UNC13C: variants seen among roughly 807,000 people sequenced by gnomAD.
The protein encoded by UNC13C is unc-13 homolog C.
UNC13C carries 174 observed loss-of-function variants against 245.4 expected under a neutral mutation model. The ratio of observed to expected loss-of-function variants is 0.71; its 90% CI spans 0.63 to 0.80. UNC13C has a LOEUF of 0.80. UNC13C is among the 30% of genes least tolerant of loss of function. UNC13C has a pLI of 0.00. For missense variants in UNC13C, 2,829 were observed against 2,602.9 expected, an observed-to-expected ratio of 1.09 and a Z score of -1.89; for synonymous variants, 992 against 895.1, an observed-to-expected ratio of 1.11 and a Z score of -1.93.
chr15:54,522,855 T>A (rs1458569941), intron 24 of UNC13C, among the ~76,000 whole-genome samples: 1 of 152,208 alleles, frequency 6.6e-6, no homozygotes, highest in East Asian at 1.9e-4. Context: ...AGTTTCTACT[T>A]TAGAATACAC....
At chr15:53,906,711 A>G in the UNC13C span, among the ~76,000 whole-genome samples, 1 of 152,196 alleles carries the variant, frequency 6.6e-6, no homozygotes, top group Non-Finnish European at 1.5e-5. Context: ...GTATTAGTCC[A>G]TTCTCACACT....
the UNC13C span, among the ~76,000 whole-genome samples, chr15:53,879,971 G>GTGTGTGTGTA: frequency 6.0e-5 from 9 of 151,146 alleles, no homozygotes; most frequent in African/African-American, 2.2e-4. Flanking sequence ...GTGTGTGTGT[G>GTGTGTGTGTA]TATATACATA....
At chr15:54,548,208 C>CTTTTTTTTTTTTTTGTTTTTTTTTTT (rs1896574341) in intron 27 of UNC13C, among the ~76,000 whole-genome samples, 1 of 61,878 alleles carries the variant, frequency 1.6e-5, no homozygotes, top group African/African-American at 4.4e-5. Context: ...GTTTCTTTTG[C>CTTTTTTTTTTTTTTGTTTTTTTTTTT]TTTTTTTTTT....
chr15:54,164,351 G>A (rs1221932153), intron 4 of UNC13C, among the ~76,000 whole-genome samples: 1 of 152,090 alleles, frequency 6.6e-6, no homozygotes, highest in Non-Finnish European at 1.5e-5. Context: ...TGGCTTAAAT[G>A]TAATAAATTG....
At chr15:54,356,583 C>G (rs2039100435) in intron 17 of UNC13C, among the ~76,000 whole-genome samples, 1 of 152,112 alleles carries the variant, frequency 6.6e-6, no homozygotes, top group African/African-American at 2.4e-5. Flanking sequence ...TTGCTGAAAC[C>G]TCACCTAATG....
At chr15:53,897,652 A>G in the UNC13C span, among the ~76,000 whole-genome samples, 1 of 152,218 alleles carries the variant, frequency 6.6e-6, no homozygotes, top group Non-Finnish European at 1.5e-5. Context: ...CTGTTATAGC[A>G]TCATCTATTC....
At chr15:53,870,794 A>G in the UNC13C span, among the ~76,000 whole-genome samples, 1 of 152,172 alleles carries the variant, frequency 6.6e-6, no homozygotes, top group Non-Finnish European at 1.5e-5. Flanking sequence ...AAGTTTGGCC[A>G]AGGTCACACA....
chr15:54,497,298 C>G lies in UNC13C; in HGVS notation c.5060+2564C>G, dbSNP rs139337561. Among the ~76,000 whole-genome samples, 431 of 152,260 alleles carry G rather than the reference C, an allele frequency of 2.8e-3. 3 individuals are homozygous for G. The highest frequency in any genetic ancestry group is 1.0e-2 in the African/African-American group (414 of 41,570). On this transcript the variant is annotated intron_variant, in intron 20 of 32. Coordinates refer to ENST00000260323, the MANE Select transcript of UNC13C (RefSeq NM_001080534.3). ...TGAGTCCTGTATTTTGTTGCATCTT[C>G]TCTCCCATGTTTTCACCCCCATACA... is the stretch of plus-strand genomic sequence containing the variant.
At chr15:53,999,527 A>G (rs1364389685) in intron 1 of UNC13C, among the ~76,000 whole-genome samples, 1 of 151,664 alleles carries the variant, frequency 6.6e-6, no homozygotes, top group Non-Finnish European at 1.5e-5. Context: ...ATCAATTTTT[A>G]TTACCTATTT....
chr15:53,901,461 G>C, the UNC13C span, among the ~76,000 whole-genome samples: 1 of 151,654 alleles, frequency 6.6e-6, no homozygotes, highest in African/African-American at 2.4e-5. Context: ...CCCGACCTCA[G>C]GTGATCTGCC....
chr15:54,405,727 C>A (rs1449552858), intron 18 of UNC13C, among the ~76,000 whole-genome samples: 1 of 152,084 alleles, frequency 6.6e-6, no homozygotes, highest in Non-Finnish European at 1.5e-5. Context: ...CCTTTCATTT[C>A]CAGTACCGGC....
chr15:54,027,385 T>C lies in UNC13C; in HGVS notation c.2983+11499T>C, dbSNP rs140631006. On this transcript the variant is annotated intron_variant, in intron 2 of 32. Coordinates refer to ENST00000260323, the MANE Select transcript of UNC13C (RefSeq NM_001080534.3). Reference sequence around the variant, plus strand: ...TGAACTCTCCTCTTTTGTTTTGTTTTTGAGACAGAGTCTCGCTCTGTCGCC... The same window carrying C: ...TGAACTCTCCTCTTTTGTTTTGTTTCTGAGACAGAGTCTCGCTCTGTCGCC... 8.3e-3 allele frequency among the ~76,000 whole-genome samples: 1,268 copies of C among 152,270 alleles called. 21 individuals are homozygous for C. Among genetic ancestry groups the C allele is most frequent in the African/African-American group, 0.03 (1,228 of 41,554 alleles).
chr15:54,450,759 G>T (rs766023677), intron 19 of UNC13C, among the ~76,000 whole-genome samples: 1 of 152,138 alleles, frequency 6.6e-6, no homozygotes, highest in Admixed American at 6.6e-5. Context: ...CTCACGCTCG[G>T]TGCACTGCGC....
At chr15:54,494,487 C>T in intron 19 of UNC13C, 121 bp from the exon 20 acceptor site, 1 of 954,542 alleles carries the variant, frequency 1.0e-6, no homozygotes, top group Non-Finnish European at 1.4e-6. Flanking sequence ...ATTCATTATA[C>T]CTTTACATCT....
At chr15:54,470,608 TTTTA>T (rs201854532) in intron 19 of UNC13C, among the ~76,000 whole-genome samples, 3 of 122,708 alleles carry the variant, frequency 2.4e-5, no homozygotes, top group Admixed American at 7.8e-5. Context: ...TCATTTATGA[TTTTA>T]TTTATTTGAG....
At chr15:54,549,805 G>GTC (rs149201837) in intron 28 of UNC13C, 114 bp downstream of exon 28, 38,261 of 656,790 alleles carry the variant, frequency 0.058, 1,503 homozygotes, top group Admixed American at 0.14. Context: ...GAAGATGTGT[G>GTC]TGTGATTTCA....
intron 2 of UNC13C, among the ~76,000 whole-genome samples, chr15:54,066,752 A>G (rs917542076): frequency 3.3e-5 from 5 of 152,096 alleles, no homozygotes; most frequent in Non-Finnish European, 7.4e-5. Context: ...CAGTGGCTAC[A>G]GTATTTGGGC....
At chr15:54,445,394 T>G (rs1403275419) in intron 19 of UNC13C, among the ~76,000 whole-genome samples, 1 of 152,176 alleles carries the variant, frequency 6.6e-6, no homozygotes. Flanking sequence ...TCTACAATGG[T>G]TGAACTAGTT....
chr15:54,537,472 GAA>G (rs968495265), intron 26 of UNC13C, among the ~76,000 whole-genome samples: 2 of 149,042 alleles, frequency 1.3e-5, no homozygotes, highest in South Asian at 4.2e-4. Context: ...CACAGAATTA[GAA>G]AAAAAAAATT....
Sources: allele counts gnomAD v4.1 joint callset (sites outside exome capture counted in the v4.1 genomes callset), GRCh38; gene constraint gnomAD v4.1.1; transcripts MANE v1.5; gene names NCBI Gene and HGNC (gene_info 2026-07-23, HGNC 2026-07-21).